The following TTC12 variants were observed in gnomAD, a reference collection of about 807,000 sequenced individuals.
TTC12 encodes the protein tetratricopeptide repeat protein 12.
In TTC12, 70 loss-of-function variants were observed where a neutral mutation model predicts 90.1. The ratio of observed to expected loss-of-function variants is 0.78; its 90% confidence interval spans 0.64 to 0.95. TTC12 has a LOEUF of 0.95. TTC12 is among the 40% of genes least tolerant of loss of function. The pLI is 0.00. For synonymous variants in TTC12, 296 were observed against 311.5 expected (o/e 0.95, Z 0.53); for missense variants, 819 against 846.1 (o/e 0.97, Z 0.40).
chr11:113,335,355 A>G (rs193266800), intron 8 of TTC12, among the ~76,000 whole-genome samples: 43 of 152,314 alleles, frequency 2.8e-4, no homozygotes, highest in Middle Eastern at 6.8e-3. Context: ...AGATCAGTCA[A>G]CCTGTCTATC....
At chr11:113,349,425 G>A (rs970686412) in intron 13 of TTC12, among the ~76,000 whole-genome samples, 23 of 152,188 alleles carry the variant, frequency 1.5e-4, no homozygotes, top group African/African-American at 5.6e-4. Flanking sequence ...GTGCCAGTAA[G>A]TCCGTTTGGG....
rs1222183439 is a variant in TTC12, at chr11:113,358,004, G to A, written c.1447-1359G>A. Among the ~76,000 whole-genome samples the A allele has an allele frequency of 9.8e-5, 15 of 152,344 alleles. No individual in the cohort carries two copies. In the East Asian group the frequency reaches 1.7e-3, roughly 18 times the overall value. ...TGTTTGCCACAATGGCAGAGGCAAC[G>A]CAGCTGGGGGAGAGGGTCCCTGCTG... On this transcript the variant is annotated intron_variant, in intron 16 of 21. Coordinates refer to ENST00000529221, the MANE Select transcript of TTC12 (RefSeq NM_017868.4).
At position 113,341,836 on chromosome 11, in the gene TTC12, G is replaced by T; in HGVS notation, c.897-1G>T. On this transcript the variant is annotated splice_acceptor_variant, in intron 11 of 21. Transcript: ENST00000529221. LOFTEE classifies it high-confidence loss of function. ...AGATAGCTCTCCTTTGTCCATTCTA[G>T]GTGTTTTTCCACAGCAGGAAATGAT... 1 of 1,612,006 alleles carries T rather than the reference G, an allele frequency of 6.2e-7. No individual in the cohort carries two copies. The highest frequency in any genetic ancestry group is 8.5e-7 in the Non-Finnish European group (1 of 1,178,050).
intron 16 of TTC12, among the ~76,000 whole-genome samples, chr11:113,354,674 G>A (rs1949520755): frequency 6.6e-6 from 1 of 152,126 alleles, no homozygotes; most frequent in Non-Finnish European, 1.5e-5. Context: ...ACATGAAGAG[G>A]TGTTGAATTT....
chr11:113,367,646 A>G (rs1014856318), downstream of TTC12, among the ~76,000 whole-genome samples: 2 of 152,230 alleles, frequency 1.3e-5, no homozygotes, highest in Non-Finnish European at 2.9e-5. Context: ...AGTGTTCTTC[A>G]CAGGTAAGGC....
chr11:113,372,447 A>G (rs1950410619), intron 21 of TTC12, among the ~76,000 whole-genome samples: 1 of 152,210 alleles, frequency 6.6e-6, no homozygotes, highest in Admixed American at 6.5e-5. Flanking sequence ...GATAAAGGGC[A>G]AACTCATTTG....
intron 6 of TTC12, 149 bp from the exon 7 acceptor site, chr11:113,329,771 G>A (rs1555142104): frequency 1.1e-5 from 8 of 723,700 alleles, no homozygotes; most frequent in Non-Finnish European, 1.0e-5. Context: ...CAGTGCAAGT[G>A]TGCCATCTGT....
At chr11:113,361,318 A>G (rs1949909965) in intron 18 of TTC12, among the ~76,000 whole-genome samples, 1 of 152,242 alleles carries the variant, frequency 6.6e-6, no homozygotes, top group South Asian at 2.1e-4. Flanking sequence ...GTAGAGACCT[A>G]CGTTGACAGT....
intron 16 of TTC12, among the ~76,000 whole-genome samples, chr11:113,356,364 A>G: frequency 6.6e-6 from 1 of 152,326 alleles, no homozygotes; most frequent in East Asian, 1.9e-4. Context: ...TGAAGACAGC[A>G]TACCAGTGGA....
intron 10 of TTC12, 48 bp from the exon 11 acceptor site, chr11:113,340,616 G>A: frequency 6.7e-7 from 1 of 1,491,844 alleles, no homozygotes; most frequent in Non-Finnish European, 9.4e-7. Context: ...CGAGACACCA[G>A]CCAGCCAGTT....
In TTC12 at chr11:113,325,654, G is replaced by A; in HGVS notation, c.444+9G>A. On this transcript the variant is annotated intron_variant, in intron 6 of 21. Transcript: ENST00000529221. ...ACACCAACCGAGCCCAGGTCAGTGA[G>A]GCAGGGATGTATCCATGGGGCTTTC... 6.2e-7 allele frequency: 1 copy of A among 1,613,656 alleles called. No homozygotes were observed. The highest frequency in any genetic ancestry group is 8.5e-7 in the Non-Finnish European group (1 of 1,179,696).
At position 113,363,909 on chromosome 11, in the gene TTC12, GTAA is replaced by G; in HGVS notation, c.1802_1804del (p.Ile601del). 6.2e-7 allele frequency: 1 copy of G among 1,612,830 alleles called. No individual in the cohort carries two copies. The highest frequency in any genetic ancestry group is 8.5e-7 in the Non-Finnish European group (1 of 1,178,762). ...TAGTTATCATGAAGCTCGGGAAGAA[GTAA>G]TAAGACTGGATAAAAGTAAGTGATG... On this transcript the variant is annotated inframe_deletion, in exon 20 of 22. Coordinates refer to ENST00000529221, the MANE Select transcript of TTC12 (RefSeq NM_017868.4).
chr11:113,343,337 A>G (rs900834393), intron 12 of TTC12, among the ~76,000 whole-genome samples: 2 of 152,252 alleles, frequency 1.3e-5, no homozygotes. Flanking sequence ...CAAAATATAT[A>G]ATCAACAAGG....
chr11:113,318,196 A>G (rs1373953112), intron 2 of TTC12, among the ~76,000 whole-genome samples: 1 of 152,260 alleles, frequency 6.6e-6, no homozygotes, highest in African/African-American at 2.4e-5. Flanking sequence ...TGGAGAAAAC[A>G]GATATTAAAC....
chr11:113,319,885 G>A (rs1407997539), intron 2 of TTC12, among the ~76,000 whole-genome samples: 3 of 152,078 alleles, frequency 2.0e-5, no homozygotes, highest in Admixed American at 6.6e-5. Flanking sequence ...CCTGCCCTAC[G>A]TGAAAGTCAA....
At chr11:113,345,894 G>A (rs1377800565) in intron 13 of TTC12, among the ~76,000 whole-genome samples, 3 of 152,042 alleles carry the variant, frequency 2.0e-5, no homozygotes, top group Non-Finnish European at 1.5e-5. Flanking sequence ...CTCGGAGAGT[G>A]GCGTTCATGA....
At position 113,362,435 on chromosome 11, in the gene TTC12, C is replaced by T. The variant is rs782274074; in HGVS notation, c.1649C>T (p.Ser550Phe). ...AAGVLSRTLS[S>F]SLKIVEEALR... ...GGTGTTCTGAGCCGGACCCTTTCTTCCTCTCTGAAAATTGTTGAGGAGGCC... is the reference window on the plus strand; with the variant it reads ...GGTGTTCTGAGCCGGACCCTTTCTTTCTCTCTGAAAATTGTTGAGGAGGCC... The change falls in exon 19 of 22, where the codon TCC becomes TTC. Residue 550 changes from serine (S) to phenylalanine (F), a missense_variant. Transcript: ENST00000529221. 6.2e-7 allele frequency: 1 copy of T among 1,614,056 alleles called. No homozygotes were observed. The highest frequency in any genetic ancestry group is 1.1e-5 in the South Asian group (1 of 91,080).
Position 113,316,283 on chromosome 11 carries a change from T to C in TTC12, c.26T>C (p.Leu9Ser), listed in dbSNP as rs781810431. 6 of 1,474,076 alleles carry C rather than the reference T, an allele frequency of 4.1e-6. No individual in the cohort carries two copies. Among genetic ancestry groups the C allele is most frequent in the Non-Finnish European group, 5.4e-6 (6 of 1,110,366 alleles). 91.3% of individuals were successfully genotyped at this position (1,474,076 alleles called of 1,614,324 possible). Residue 9 changes from leucine (L) to serine (S), a missense_variant, in exon 2 of 22, where the codon TTG becomes TCG. By Grantham distance (145) the Leu-to-Ser change is moderately radical. Transcript: ENST00000529221. ...ATGGATGCTGATAAAGAGAAAGATT[T>C]GCAGAAATTTCTTAAAAATGTGGAT... MDADKEKD[L>S]QKFLKNVDEI...
At chr11:113,360,675 G>A (rs1005665909) in intron 18 of TTC12, among the ~76,000 whole-genome samples, 7 of 152,154 alleles carry the variant, frequency 4.6e-5, no homozygotes, top group Admixed American at 6.5e-5. Flanking sequence ...CTCCCTGTCA[G>A]GGCAGGACCC....
Sources: allele counts gnomAD v4.1 joint callset (sites outside exome capture counted in the v4.1 genomes callset), GRCh38; gene constraint gnomAD v4.1.1; transcripts MANE v1.5; gene names NCBI Gene and HGNC (gene_info 2026-07-23, HGNC 2026-07-21).